The following GSE1 variants were observed in gnomAD, a reference collection of about 807,000 sequenced individuals.
GSE1 encodes the protein genetic suppressor element 1.
GSE1 carries 32 observed loss-of-function variants against 112.6 expected under a neutral mutation model. The observed-to-expected ratio is 0.28, with a 90% CI of 0.21 to 0.38. GSE1 has a LOEUF of 0.38. Ranked by LOEUF, GSE1 falls within the 10% of genes least tolerant of loss-of-function variation. The probability of loss-of-function intolerance (pLI) is 1.00; values close to 1 mark genes in which losing one functional copy is unlikely to be tolerated. For missense variants in GSE1, 2,348 were observed against 1,699.2 expected, an observed-to-expected ratio of 1.38 and a Z score of -6.71; for synonymous variants, 1,115 against 735.6, an observed-to-expected ratio of 1.52 and a Z score of -8.35.
intron 1 of GSE1, among the ~76,000 whole-genome samples, chr16:85,303,963 A>G (rs1358535062): frequency 6.6e-6 from 1 of 152,202 alleles, no homozygotes; most frequent in African/African-American, 2.4e-5. Context: ...TTGCGAAGAC[A>G]GCGGAGACAA....
At chr16:85,228,980 G>A (rs2075535977) in intron 1 of GSE1, among the ~76,000 whole-genome samples, 1 of 152,222 alleles carries the variant, frequency 6.6e-6, no homozygotes, top group Admixed American at 6.5e-5. Flanking sequence ...TCCCAGGAGG[G>A]AACAACTGTT....
intron 2 of GSE1, among the ~76,000 whole-genome samples, chr16:85,472,362 G>A (rs1027758946): frequency 6.6e-6 from 1 of 152,164 alleles, no homozygotes; most frequent in African/African-American, 2.4e-5. Context: ...TGGTAGCTCC[G>A]GGCGTTCCTT....
intron 1 of GSE1, among the ~76,000 whole-genome samples, chr16:85,333,887 C>T (rs2046427166): frequency 6.6e-6 from 1 of 152,244 alleles, no homozygotes; most frequent in Admixed American, 6.5e-5. Context: ...CTCAAGCTTC[C>T]TCTGCCTGGA....
At chr16:85,536,633 G>A (rs948326559) in intron 2 of GSE1, among the ~76,000 whole-genome samples, 2 of 152,240 alleles carry the variant, frequency 1.3e-5, no homozygotes, top group African/African-American at 2.4e-5. Flanking sequence ...GTACCGCGAG[G>A]CCACGGGCCC....
chr16:85,184,623 A>G (rs754204089), intron 1 of GSE1, among the ~76,000 whole-genome samples: 7 of 152,218 alleles, frequency 4.6e-5, no homozygotes, highest in African/African-American at 9.6e-5. Context: ...GCACTGCTTT[A>G]GCTGCACCCC....
At chr16:85,476,305 G>C (rs2050454042) in intron 2 of GSE1, among the ~76,000 whole-genome samples, 1 of 152,168 alleles carries the variant, frequency 6.6e-6, no homozygotes, top group African/African-American at 2.4e-5. Flanking sequence ...AGTGGAATCG[G>C]GTGGGAGTTC....
At chr16:85,654,488 G>A (rs754902695) in intron 4 of GSE1, 38 bp downstream of exon 4, 1 of 1,528,434 alleles carries the variant, frequency 6.5e-7, no homozygotes, top group Non-Finnish European at 8.9e-7. Context: ...AGGTGGCCAG[G>A]TGGGGACACA....
chr16:85,597,373 C>CAAAAAAAAAAA (rs1165062872), intron 1 of GSE1, among the ~76,000 whole-genome samples: 21 of 31,792 alleles, frequency 6.6e-4, no homozygotes, highest in Non-Finnish European at 1.1e-3. Flanking sequence ...GACTCTGTCT[C>CAAAAAAAAAAA]AAAAAAAAAA....
intron 1 of GSE1, among the ~76,000 whole-genome samples, chr16:85,565,255 G>C (rs1291201309): frequency 6.6e-6 from 1 of 152,062 alleles, no homozygotes; most frequent in East Asian, 1.9e-4. Context: ...AGCCGGGCAT[G>C]GTGGTGCGTG....
In GSE1 at chr16:85,404,680, T is replaced by C. The variant is rs368906024; in HGVS notation, c.2464+47037T>C. Reference sequence around the variant, plus strand: ...TCAGGGCCCCCTGGATAATCCTCACTGTTACACTCAGGCCCCCCGGATAAT... The same window carrying C: ...TCAGGGCCCCCTGGATAATCCTCACCGTTACACTCAGGCCCCCCGGATAAT... On this transcript the variant is annotated intron_variant, in intron 2 of 2. Coordinates refer to the GSE1 transcript ENST00000637419. Among the ~76,000 whole-genome samples, 59 of 47,634 alleles carry C rather than the reference T, an allele frequency of 1.2e-3. 3 individuals carry two copies. The highest frequency in any genetic ancestry group is 5.3e-3 in the Admixed American group (22 of 4,160). The allele number at this position is 47,634 out of a possible 152,430, so 31.2% of individuals were successfully genotyped here. A position where few individuals can be genotyped will look rare whatever the true frequency, so the allele number is the denominator to read the frequency against.
chr16:85,338,807 C>CCG (rs1378909418), intron 1 of GSE1, among the ~76,000 whole-genome samples: 2 of 151,878 alleles, frequency 1.3e-5, no homozygotes, highest in East Asian at 3.9e-4. Context: ...GCCACACAGC[C>CCG]CGCAGTAACC....
At chr16:85,662,900 G>A (rs1189002422) in intron 9 of GSE1, 81 bp from the exon 10 acceptor site, 3 of 990,056 alleles carry the variant, frequency 3.0e-6, no homozygotes, top group South Asian at 1.3e-5. Context: ...TAGGTGCTCT[G>A]CACACATGAG....
chr16:85,535,837 A>C (rs1273846634), intron 2 of GSE1, among the ~76,000 whole-genome samples: 1 of 152,230 alleles, frequency 6.6e-6, no homozygotes, highest in African/African-American at 2.4e-5. Flanking sequence ...CTTCTTTCTT[A>C]ATTCCCTCCA....
chr16:85,263,044 G>T (rs569568803), intron 1 of GSE1, among the ~76,000 whole-genome samples: 1 of 152,216 alleles, frequency 6.6e-6, no homozygotes, highest in Non-Finnish European at 1.5e-5. Context: ...CACAGATCGC[G>T]GGAGGGCGGG....
intron 2 of GSE1, among the ~76,000 whole-genome samples, chr16:85,503,568 C>T (rs1035931698): frequency 2.6e-5 from 4 of 152,146 alleles, no homozygotes; most frequent in African/African-American, 9.7e-5. Context: ...GCTCTGATTG[C>T]CGCAGTCCAA....
rs373895190 is a variant in GSE1 at position 85,286,647 on chromosome 16, C to T, written c.2284-70816C>T. On this transcript the variant is annotated intron_variant, in intron 1 of 2. Transcript: ENST00000637419. Reference sequence around the variant, plus strand: ...CTTGGGCTTGCCAGAAATTATTTGGCGCTGCGGTTTACGCATCTATTAGTC... The same window carrying T: ...CTTGGGCTTGCCAGAAATTATTTGGTGCTGCGGTTTACGCATCTATTAGTC... 9.9e-5 allele frequency among the ~76,000 whole-genome samples: 15 copies of T among 151,750 alleles called. No homozygotes were observed. The East Asian group carries it at 1.6e-3, about 16-fold the overall frequency.
chr16:85,189,066 C>T (rs922479326), intron 1 of GSE1, among the ~76,000 whole-genome samples: 1 of 152,188 alleles, frequency 6.6e-6, no homozygotes, highest in Non-Finnish European at 1.5e-5. Flanking sequence ...AAGCCTATTC[C>T]TCACCATTCC....
Position 85,182,143 on chromosome 16 carries a change from G to A in GSE1, c.2283+10336G>A, listed in dbSNP as rs769186659. Among the ~76,000 whole-genome samples the A allele has an allele frequency of 4.8e-4, 73 of 152,168 alleles. 1 individual carries two copies. Among genetic ancestry groups the A allele is most frequent in the Non-Finnish European group, 7.1e-4 (48 of 68,010 alleles). On this transcript the variant is annotated intron_variant, in intron 1 of 2. Transcript: ENST00000637419. Reference sequence around the variant, plus strand: ...CACGGTGGACAGCGAGGGCTCCTGGGAAGCCCTCCCCCACCCTCCCCGCCC... The same window carrying A: ...CACGGTGGACAGCGAGGGCTCCTGGAAAGCCCTCCCCCACCCTCCCCGCCC...
At chr16:85,623,502 C>T (rs965968292) in intron 1 of GSE1, among the ~76,000 whole-genome samples, 9 of 152,206 alleles carry the variant, frequency 5.9e-5, no homozygotes, top group Admixed American at 1.3e-4. Flanking sequence ...GGCCCACCCC[C>T]GTTCCCCTTG....
Sources: allele counts gnomAD v4.1 joint callset (sites outside exome capture counted in the v4.1 genomes callset), GRCh38; gene constraint gnomAD v4.1.1; transcripts MANE v1.5; gene names NCBI Gene and HGNC (gene_info 2026-07-23, HGNC 2026-07-21).